COMMD10: variants seen among roughly 807,000 people sequenced by gnomAD.
COMMD10 encodes the protein COMM domain containing 10, also known as COMM domain-containing protein 10.
Under a neutral mutation model 28.9 loss-of-function variants are expected in COMMD10, and 33 were observed. The ratio of observed to expected loss-of-function variants is 1.14; its 90% CI spans 0.87 to 1.53. The LOEUF (loss-of-function observed/expected upper bound fraction) is 1.53. Among genes scored for constraint, COMMD10 ranks in the 40% most tolerant of loss-of-function variants. The probability of loss-of-function intolerance (pLI) is 0.00; values close to 1 mark genes in which losing one functional copy is unlikely to be tolerated. For synonymous variants in COMMD10, 110 were observed against 81.7 expected, an observed-to-expected ratio of 1.35 and a Z score of -1.87; for missense variants, 310 against 233.4, an observed-to-expected ratio of 1.33 and a Z score of -2.14.
intron 5 of COMMD10, among the ~76,000 whole-genome samples, chr5:116,271,995 G>T (rs1035277880): frequency 5.9e-5 from 9 of 151,760 alleles, no homozygotes; most frequent in Non-Finnish European, 8.8e-5. Context: ...AATTTAACCT[G>T]TTCCCATGTT....
intron 5 of COMMD10, among the ~76,000 whole-genome samples, chr5:116,150,452 T>C (rs909089714): frequency 6.6e-6 from 1 of 152,110 alleles, no homozygotes; most frequent in Non-Finnish European, 1.5e-5. Flanking sequence ...TTGGGAAGTA[T>C]GGCTATTTTC....
intron 5 of COMMD10, among the ~76,000 whole-genome samples, chr5:116,182,171 A>G (rs972768208): frequency 6.6e-6 from 1 of 152,134 alleles, no homozygotes; most frequent in East Asian, 1.9e-4. Flanking sequence ...AGGGAGGCGC[A>G]TTATTCAAGC....
intron 5 of COMMD10, among the ~76,000 whole-genome samples, chr5:116,150,308 T>C (rs540712482): frequency 7.2e-5 from 11 of 152,326 alleles, no homozygotes; most frequent in South Asian, 2.1e-4. Context: ...CCAGCTTTTT[T>C]CTTTTTGCTT....
intron 5 of COMMD10, among the ~76,000 whole-genome samples, chr5:116,268,337 AAC>A (rs1486669409): frequency 2.6e-5 from 4 of 151,912 alleles, no homozygotes; most frequent in African/African-American, 9.7e-5. Flanking sequence ...GCAGCCAAAA[AAC>A]ACATGAAAAA....
chr5:116,146,299 C>G lies in COMMD10; in HGVS notation c.510+12121C>G, dbSNP rs80250829. Among the ~76,000 whole-genome samples, 1,446 of 151,922 alleles carry G rather than the reference C, an allele frequency of 9.5e-3. 25 individuals are homozygous for G. The highest frequency in any genetic ancestry group is 0.034 in the African/African-American group (1,391 of 41,498). Reference sequence around the variant, plus strand: ...CCTTGGTTGATAATATACCCAGCATCTGCTGGAGATAGTAGAGTATTAATT... The same window carrying G: ...CCTTGGTTGATAATATACCCAGCATGTGCTGGAGATAGTAGAGTATTAATT... On this transcript the variant is annotated intron_variant, in intron 5 of 6. Coordinates refer to ENST00000274458, the MANE Select transcript of COMMD10 (RefSeq NM_016144.4).
At chr5:116,211,352 T>G (rs910619697) in intron 5 of COMMD10, among the ~76,000 whole-genome samples, 9 of 152,138 alleles carry the variant, frequency 5.9e-5, no homozygotes, top group African/African-American at 2.2e-4. Flanking sequence ...ACTCTAAGAC[T>G]GTAAACCTAT....
intron 5 of COMMD10, among the ~76,000 whole-genome samples, chr5:116,149,972 A>C (rs1027658857): frequency 6.6e-6 from 1 of 151,894 alleles, no homozygotes; most frequent in African/African-American, 2.4e-5. Flanking sequence ...TTTTCTTCTA[A>C]GGTTTTTATG....
At position 116,250,163 on chromosome 5, in the gene COMMD10, C is replaced by T. The variant is rs556266402; in HGVS notation, c.511-41354C>T. Among the ~76,000 whole-genome samples the T allele has an allele frequency of 1.6e-4, 24 of 148,216 alleles. No individual in the cohort carries two copies. In the East Asian group the frequency reaches 1.8e-3, roughly 11 times the overall value. The stretch of plus-strand genomic sequence containing the variant: ...TTCATTATCTTGGAGCTAATTCAAT[C>T]GCTGTGATACCTGGAAAAAATTACA... On this transcript the variant is annotated intron_variant, in intron 5 of 6. Coordinates refer to ENST00000274458, the MANE Select transcript of COMMD10 (RefSeq NM_016144.4).
chr5:116,200,251 A>G (rs1748631739), intron 5 of COMMD10, among the ~76,000 whole-genome samples: 1 of 151,838 alleles, frequency 6.6e-6, no homozygotes, highest in African/African-American at 2.4e-5. Context: ...CCATCACTCC[A>G]CCCTTTTTGC....
intron 4 of COMMD10, among the ~76,000 whole-genome samples, chr5:116,106,275 T>A (rs1424901703): frequency 6.6e-6 from 1 of 152,152 alleles, no homozygotes; most frequent in Admixed American, 6.5e-5. Context: ...GTTGTTCAGT[T>A]TCCATGTGTT....
At chr5:116,099,461 G>A (rs547996150) in intron 4 of COMMD10, among the ~76,000 whole-genome samples, 2 of 152,176 alleles carry the variant, frequency 1.3e-5, no homozygotes, top group South Asian at 4.2e-4. Context: ...GTATAAACCA[G>A]GAGTGGGATT....
At chr5:116,283,595 C>T (rs992045723) in intron 5 of COMMD10, among the ~76,000 whole-genome samples, 1 of 151,644 alleles carries the variant, frequency 6.6e-6, no homozygotes, top group Non-Finnish European at 1.5e-5. Context: ...GATCTGCCTG[C>T]CTTGGCTTCC....
At chr5:116,233,060 T>C (rs253959) in intron 5 of COMMD10, among the ~76,000 whole-genome samples, 75,167 of 151,986 alleles carry the variant, frequency 0.49, 22,074 homozygotes, top group Non-Finnish European at 0.66. Context: ...AAATATTTAT[T>C]GAACGCTTAC....
At chr5:116,086,876 C>G (rs970012917) in intron 1 of COMMD10, among the ~76,000 whole-genome samples, 1 of 152,144 alleles carries the variant, frequency 6.6e-6, no homozygotes, top group African/African-American at 2.4e-5. Flanking sequence ...ACTTGGGAGG[C>G]TGAGGCACAA....
At chr5:116,201,391 C>T (rs552315017) in intron 5 of COMMD10, among the ~76,000 whole-genome samples, 1 of 152,256 alleles carries the variant, frequency 6.6e-6, no homozygotes, top group South Asian at 2.1e-4. Flanking sequence ...GGTGCCCCTG[C>T]ATTTTTCAGT....
chr5:116,282,075 G>A (rs1737248193), intron 5 of COMMD10, among the ~76,000 whole-genome samples: 1 of 151,768 alleles, frequency 6.6e-6, no homozygotes, highest in South Asian at 2.1e-4. Context: ...CAAGCTAATT[G>A]TGTCTGAAAC....
intron 5 of COMMD10, among the ~76,000 whole-genome samples, chr5:116,182,294 A>G (rs1747993282): frequency 6.9e-6 from 1 of 145,494 alleles, no homozygotes; most frequent in Non-Finnish European, 1.5e-5. Flanking sequence ...AAGATTATGG[A>G]TGGAAGGCAG....
At chr5:116,214,570 GT>G (rs573317914) in intron 5 of COMMD10, among the ~76,000 whole-genome samples, 187 of 152,194 alleles carry the variant, frequency 1.2e-3, no homozygotes, top group African/African-American at 4.0e-3. Flanking sequence ...ACATGTAGAA[GT>G]TTCTTCAAGG....
intron 5 of COMMD10, among the ~76,000 whole-genome samples, chr5:116,260,460 C>T (rs1357812545): frequency 6.6e-6 from 1 of 151,728 alleles, no homozygotes; most frequent in Non-Finnish European, 1.5e-5. Context: ...TCAGTGTGGA[C>T]CCATTTAAAG....
Sources: gnomAD v4.1 joint callset for allele counts (sites outside exome capture counted in the v4.1 genomes callset) on GRCh38, gnomAD v4.1.1 for gene constraint, MANE v1.5 for transcripts, NCBI Gene and HGNC (gene_info 2026-07-23, HGNC 2026-07-21) for gene names.